The following DDX27 variants were observed in gnomAD, a reference collection of about 807,000 sequenced individuals.
DDX27 encodes DEAD-box helicase 27.
Under a neutral mutation model 99.3 loss-of-function variants are expected in DDX27, and 42 were observed. That is an observed-to-expected ratio of 0.42 (90% CI 0.33 to 0.55). DDX27 has a LOEUF of 0.55. Ranked by LOEUF, DDX27 falls within the 20% of genes least tolerant of loss-of-function variation. The pLI, the probability that DDX27 is intolerant of heterozygous loss-of-function variation, is 0.07. For missense variants in DDX27, 798 were observed against 976.8 expected, an observed-to-expected ratio of 0.82 and a Z score of 2.44; for synonymous variants, 329 against 353.8, an observed-to-expected ratio of 0.93 and a Z score of 0.79.
At position 49,243,843 on chromosome 20, in the gene DDX27, G is replaced by A; in HGVS notation, c.*9G>A. On this transcript the variant is annotated 3_prime_UTR_variant, in exon 21 of 21. Coordinates refer to ENST00000618172, the MANE Select transcript of DDX27 (RefSeq NM_017895.8). Reference sequence around the variant, plus strand: ...ACAAGAGGAGGAAGTAGCTGTCGTGGCCTGAAGAAATTCATGGGGGCAGCC... The same window carrying A: ...ACAAGAGGAGGAAGTAGCTGTCGTGACCTGAAGAAATTCATGGGGGCAGCC... The A allele has an allele frequency of 6.2e-7, 1 of 1,614,062 alleles. No individual in the cohort carries two copies. Among genetic ancestry groups the A allele is most frequent in the Admixed American group, 1.7e-5 (1 of 60,002 alleles).
intron 9 of DDX27, 32 bp from the exon 10 acceptor site, chr20:49,233,274 T>C (rs764459848): frequency 6.4e-7 from 1 of 1,567,826 alleles, no homozygotes; most frequent in Non-Finnish European, 8.8e-7. Flanking sequence ...GAGCACTCTC[T>C]CCATTTCTGC....
At position 49,223,358 on chromosome 20, in the gene DDX27, G is replaced by A; in HGVS notation, c.391G>A (p.Asp131Asn). The A allele has an allele frequency of 6.2e-7, 1 of 1,614,080 alleles. No homozygotes were observed. The highest frequency in any genetic ancestry group is 1.3e-5 in the African/African-American group (1 of 75,046). ...PKEQEDLQEN[D>N]EEGSEDEASE... ...GGAGCAGGAAGACCTTCAAGAGAATGATGAGGAAGGCTCAGAAGATGAAGC... is the reference window on the plus strand; with the variant it reads ...GGAGCAGGAAGACCTTCAAGAGAATAATGAGGAAGGCTCAGAAGATGAAGC... The change falls in exon 4 of 21, where the codon GAT (aspartate) becomes AAT (asparagine). Residue 131 changes from aspartate (D) to asparagine (N), a missense_variant. Transcript: ENST00000618172.
rs1303405449 is a variant in DDX27 at position 49,236,519 on chromosome 20, G to GCACC, written c.1687+11_1687+14dup. On this transcript the variant is annotated intron_variant, in intron 14 of 20. Coordinates refer to ENST00000618172, the MANE Select transcript of DDX27 (RefSeq NM_017895.8). The surrounding 1 kb of genome is among the most constrained non-coding windows in gnomAD (Gnocchi z 4.1). ...CAGGATACTTCCCCAAGGTGAGCAG[G>GCACC]CACCCCTGTGGCAGTGCAGAATGGC... 1 of 1,566,754 alleles carries GCACC rather than the reference G, an allele frequency of 6.4e-7. No individual in the cohort carries two copies. Among genetic ancestry groups the GCACC allele is most frequent in the East Asian group, 2.3e-5 (1 of 43,446 alleles).
chr20:49,224,732 C>T, intron 4 of DDX27: 1 of 592,690 alleles, frequency 1.7e-6, no homozygotes, highest in Non-Finnish European at 3.0e-6. Flanking sequence ...AGAGCCTGGT[C>T]TCTGGACCAG....
chr20:49,229,029 A>AATT, intron 8 of DDX27, 141 bp downstream of exon 8: 1 of 535,160 alleles, frequency 1.9e-6, no homozygotes, highest in Non-Finnish European at 2.7e-6. Context: ...AAACTGGAAG[A>AATT]CTTTTTTTTT....
chr20:49,222,663 C>T (rs1046737381), intron 2 of DDX27, among the ~76,000 whole-genome samples: 2 of 151,838 alleles, frequency 1.3e-5, no homozygotes, highest in East Asian at 1.9e-4. Flanking sequence ...TACAGGCATG[C>T]ACCACCACAC....
rs1212023946 is a variant in DDX27, at chr20:49,224,930, A to C, written c.467-15A>C. On this transcript the variant is annotated splice_polypyrimidine_tract_variant and intron_variant, in intron 4 of 20. Transcript: ENST00000618172. Reference sequence around the variant, plus strand: ...AAGTCTGAGCCGTGGTCATCAGCTAAGTTTTTCTCCATAGATACACTCAAA... The same window carrying C: ...AAGTCTGAGCCGTGGTCATCAGCTACGTTTTTCTCCATAGATACACTCAAA... 8.7e-6 allele frequency: 14 copies of C among 1,614,164 alleles called. No individual in the cohort carries two copies. The highest frequency in any genetic ancestry group is 1.0e-5 in the Non-Finnish European group (12 of 1,180,022).
At chr20:49,230,069 G>T in intron 8 of DDX27, 130 bp from the exon 9 acceptor site, 3 of 1,020,220 alleles carry the variant, frequency 2.9e-6, no homozygotes, top group Non-Finnish European at 2.8e-6. Flanking sequence ...ATGTGCTTGG[G>T]CCTTTGTCAG....
chr20:49,240,191 G>A (rs76991333), intron 16 of DDX27, among the ~76,000 whole-genome samples: 2,570 of 152,208 alleles, frequency 0.017, 81 homozygotes, highest in African/African-American at 0.058. Context: ...TGTAAGTAAT[G>A]CCACTGAATT....
At chr20:49,224,152 CA>C (rs1367452217) in intron 4 of DDX27, among the ~76,000 whole-genome samples, 18 of 151,978 alleles carry the variant, frequency 1.2e-4, no homozygotes, top group Admixed American at 3.9e-4. Flanking sequence ...GCTGGCATTA[CA>C]GGCGTGAGCC....
chr20:49,222,367 T>C (rs759531152), intron 2 of DDX27, among the ~76,000 whole-genome samples: 3 of 151,858 alleles, frequency 2.0e-5, no homozygotes, highest in African/African-American at 4.8e-5. Flanking sequence ...CGGAGTGCAA[T>C]GGTACCATCT....
chr20:49,219,761 A>C (rs1246445814), intron 1 of DDX27, among the ~76,000 whole-genome samples: 1 of 152,076 alleles, frequency 6.6e-6, no homozygotes, highest in Non-Finnish European at 1.5e-5. Flanking sequence ...CTCCTTGCTG[A>C]ACTCAGTATC....
intron 1 of DDX27, 73 bp from the exon 2 acceptor site, chr20:49,221,379 T>A (rs1416577487): frequency 3.2e-6 from 5 of 1,585,094 alleles, no homozygotes; most frequent in Non-Finnish European, 4.3e-6. Context: ...TGAGCCACTG[T>A]GCCTGGCCCC....
In DDX27 at chr20:49,233,357, T is replaced by C. The variant is rs1980189144; in HGVS notation, c.1083T>C (p.Cys361=). 5.6e-6 allele frequency: 9 copies of C among 1,613,962 alleles called. No homozygotes were observed. The highest frequency in any genetic ancestry group is 1.1e-5 in the South Asian group (1 of 91,088). The change falls in exon 10 of 21, where the codon TGT becomes TGC. Residue 361 remains cysteine (C), a synonymous_variant. Coordinates refer to ENST00000618172, the MANE Select transcript of DDX27 (RefSeq NM_017895.8). ...EEQMKEIIRM[C]SHHRQTMLFS... is the part of the protein sequence containing the mutation. ...AGATGAAGGAGATCATCCGAATGTG[T>C]TCCCACCACCGCCAGACCATGCTCT... is the stretch of plus-strand genomic sequence containing the variant.
chr20:49,233,515 C>G, intron 10 of DDX27, 53 bp from the exon 11 acceptor site: 1 of 1,602,660 alleles, frequency 6.2e-7, no homozygotes, highest in Non-Finnish European at 8.5e-7. Flanking sequence ...ACTGCTTCCT[C>G]CTTCCCTACC....
intron 1 of DDX27, among the ~76,000 whole-genome samples, chr20:49,220,551 A>G (rs1050069729): frequency 6.6e-6 from 1 of 151,314 alleles, no homozygotes; most frequent in East Asian, 2.0e-4. Context: ...CCACCTTGCA[A>G]AGACTCCTCA....
In DDX27 at chr20:49,221,539, G is replaced by A. The variant is rs1486344724; in HGVS notation, c.181G>A (p.Glu61Lys). The change falls in exon 2 of 21, where the codon GAG becomes AAG. Residue 61 changes from glutamate to lysine, a missense_variant. Glu to Lys is a moderately conservative substitution (Grantham distance 56, BLOSUM62 1). Coordinates refer to ENST00000618172, the MANE Select transcript of DDX27 (RefSeq NM_017895.8). ...CCCTGATTTCGTTTTCACTGAGAAGGAGGGGACGTACGATGGCAGCTGGGC... is the reference window on the plus strand; with the variant it reads ...CCCTGATTTCGTTTTCACTGAGAAGAAGGGGACGTACGATGGCAGCTGGGC... Reference protein sequence around the residue: ...FNPDFVFTEKEGTYDGSWALA... With the variant: ...FNPDFVFTEKKGTYDGSWALA... 1.9e-5 allele frequency: 30 copies of A among 1,613,554 alleles called. No homozygotes were observed. The highest frequency in any genetic ancestry group is 2.5e-5 in the Non-Finnish European group (29 of 1,179,890).
chr20:49,219,476 A>G lies in DDX27; in HGVS notation c.28A>G (p.Thr10Ala). The change falls in exon 1 of 21, where the codon ACC (threonine) becomes GCC (alanine). Residue 10 changes from threonine (T) to alanine (A), a missense_variant. Transcript: ENST00000618172. ...GCTTGCGGACCTCGGCTTAATCGGA[A>G]CCATAGGCGAGGATGACGAGGTGCC... is the stretch of plus-strand genomic sequence containing the variant. MLADLGLIG[T>A]IGEDDEVPVE... 1 of 1,614,018 alleles carries G rather than the reference A, an allele frequency of 6.2e-7. No homozygotes were observed.
chr20:49,242,717 C>CTTT (rs71186444), intron 19 of DDX27, 36 bp downstream of exon 19: 116 of 1,419,700 alleles, frequency 8.2e-5, no homozygotes, highest in African/African-American at 3.1e-4. Context: ...CCTTGGTATT[C>CTTT]TTTTTTTTTT....
Sources: gnomAD v4.1 joint callset for allele counts (sites outside exome capture counted in the v4.1 genomes callset) on GRCh38, gnomAD v4.1.1 for gene constraint, Gnocchi (gnomAD v3.1) non-coding constraint, MANE v1.5 for transcripts, NCBI Gene and HGNC (gene_info 2026-07-23, HGNC 2026-07-21) for gene names.